Variants in SLC66A1 observed in about 807,000 individuals in gnomAD.
The protein encoded by SLC66A1 is solute carrier family 66 member 1.
SLC66A1 carries 23 observed loss-of-function variants against 33.0 expected under a neutral mutation model. That is an observed-to-expected ratio of 0.70 (90% confidence interval 0.50 to 0.99). SLC66A1 has a LOEUF of 0.99. Among genes scored for constraint, SLC66A1 ranks in the 50% least tolerant of loss-of-function variants. SLC66A1 has a pLI of 0.00. For synonymous variants in SLC66A1, 164 were observed against 175.5 expected (o/e 0.93, Z 0.52); for missense variants, 335 against 383.6 (o/e 0.87, Z 1.06).
chr1:19,321,099 T>C (rs968513974), intron 2 of SLC66A1, among the ~76,000 whole-genome samples: 3 of 149,680 alleles, frequency 2.0e-5, no homozygotes, highest in African/African-American at 7.7e-5. Context: ...CTTTTGTTTC[T>C]TGTGGTTTTG....
chr1:19,326,416 A>G (rs775748386), intron 5 of SLC66A1, 29 bp downstream of exon 5: 4 of 1,605,798 alleles, frequency 2.5e-6, no homozygotes, highest in Admixed American at 1.7e-5. Context: ...GGTCGAAGGG[A>G]TGGAGGCTGG....
At chr1:19,327,757 G>T (rs1272917768) in intron 7 of SLC66A1, 2 of 451,902 alleles carry the variant, frequency 4.4e-6, no homozygotes, top group Admixed American at 5.0e-5. Context: ...AGAGCGTCTA[G>T]CCAGGGACCG....
chr1:19,333,607 C>T (rs556171324), downstream of SLC66A1, among the ~76,000 whole-genome samples: 84 of 152,228 alleles, frequency 5.5e-4, no homozygotes, highest in South Asian at 0.015. The surrounding 1 kb of genome is among the most constrained non-coding windows in gnomAD (Gnocchi z 4.2). Flanking sequence ...CCAGAGGTGC[C>T]GGGTGACAGC....
In SLC66A1 at chr1:19,324,708, C is replaced by T. The variant is rs537651536; in HGVS notation, c.240C>T (p.Gly80=). The part of the protein sequence containing the change: ...LSLWFLLGWI[G]GDSCNLIGSF... Reference sequence around the variant, plus strand: ...TGTGGTTCCTCCTGGGCTGGATTGGCGGAGACTCCTGCAACCTCATCGGCT... The same window carrying T: ...TGTGGTTCCTCCTGGGCTGGATTGGTGGAGACTCCTGCAACCTCATCGGCT... The change falls in exon 3 of 8, where the codon GGC becomes GGT. Residue 80 remains glycine (G), a synonymous_variant. Transcript: ENST00000375153. The T allele has an allele frequency of 1.9e-5, 30 of 1,614,104 alleles. No homozygotes were observed. In the East Asian group the frequency reaches 2.9e-4, roughly 16 times the overall value.
rs750499483 is a variant in SLC66A1 at position 19,326,225 on chromosome 1, TC to T, written c.383-15del. 7 of 1,587,062 alleles carry T rather than the reference TC, an allele frequency of 4.4e-6. No individual in the cohort carries two copies. Among genetic ancestry groups the T allele is most frequent in the East Asian group, 4.5e-5 (2 of 44,544 alleles). On this transcript the variant is annotated intron_variant, in intron 4 of 7. Coordinates refer to ENST00000375153, the MANE Select transcript of SLC66A1 (RefSeq NM_001040125.2). ...GCCACTCAGCCATCTAACCTCAGCT[TC>T]CCCCTGCCTTGTGTGCAGTGTCTGC...
intron 2 of SLC66A1, among the ~76,000 whole-genome samples, chr1:19,319,050 C>T (rs1394491912): frequency 1.3e-5 from 2 of 152,214 alleles, no homozygotes; most frequent in Non-Finnish European, 2.9e-5. Flanking sequence ...GCGGCATGCT[C>T]TGCTCTTAAG....
In SLC66A1 at chr1:19,328,221, T is replaced by G. The variant is rs2093879807; in HGVS notation, c.805-351T>G. Reference sequence around the variant, plus strand: ...CCGGGCGCAGGGAGGGGTGAAAGTTTAGGCTCTTGTGCCCCAAAACGGCCC... The same window carrying G: ...CCGGGCGCAGGGAGGGGTGAAAGTTGAGGCTCTTGTGCCCCAAAACGGCCC... On this transcript the variant is annotated intron_variant, in intron 7 of 7. Transcript: ENST00000375153. This position sits in a 1 kb window ranked among gnomAD's most constrained non-coding sequence, Gnocchi z 4.7. 2.3e-6 allele frequency: 1 copy of G among 440,492 alleles called. No individual in the cohort carries two copies. The highest frequency in any genetic ancestry group is 4.2e-6 in the Non-Finnish European group (1 of 240,522). The allele number at this position is 440,492 out of a possible 1,614,324, so 27.3% of individuals were successfully genotyped here.
chr1:19,319,719 A>G (rs969429115), intron 2 of SLC66A1, among the ~76,000 whole-genome samples: 2 of 149,490 alleles, frequency 1.3e-5, no homozygotes, highest in African/African-American at 2.5e-5. Flanking sequence ...CCTGGCCAAC[A>G]TGGTGAAACT....
chr1:19,330,238 C>G (rs540733313), downstream of SLC66A1, among the ~76,000 whole-genome samples: 9 of 152,114 alleles, frequency 5.9e-5, 1 homozygote, highest in South Asian at 6.2e-4. Context: ...CCCCACACAC[C>G]CAACCCTAGC....
Position 19,328,297 on chromosome 1 carries a change from T to A in SLC66A1, c.805-275T>A, listed in dbSNP as rs2093880142. 6.6e-6 allele frequency among the ~76,000 whole-genome samples: 1 copy of A among 152,178 alleles called. No individual in the cohort carries two copies. The highest frequency in any genetic ancestry group is 2.1e-4 in the South Asian group (1 of 4,830). ...CACAGCTGAGAGCAAGCGAAGATCCTGGGCCAGGGTCAAGGGAGGCTGCCC... is the reference window on the plus strand; with the variant it reads ...CACAGCTGAGAGCAAGCGAAGATCCAGGGCCAGGGTCAAGGGAGGCTGCCC... On this transcript the variant is annotated intron_variant, in intron 7 of 7. Coordinates refer to ENST00000375153, the MANE Select transcript of SLC66A1 (RefSeq NM_001040125.2). This position sits in a 1 kb window ranked among gnomAD's most constrained non-coding sequence, Gnocchi z 4.7.
Position 19,325,528 on chromosome 1 carries a change from C to A in SLC66A1, c.328C>A (p.Leu110Met). ...YTAVYYVLAD[L>M]VMLTLYFYYK... ...GGCTGTGTATTATGTCTTGGCAGAC[C>A]TGGTGATGCTGACGCTGTACTTTTA... Residue 110 changes from leucine (L) to methionine (M), a missense_variant, in exon 4 of 8, where the codon CTG (leucine) becomes ATG (methionine). Leu to Met is a conservative substitution (Grantham distance 15, BLOSUM62 2). Transcript: ENST00000375153. The A allele has an allele frequency of 1.2e-6, 2 of 1,607,950 alleles. No homozygotes were observed. Among genetic ancestry groups the A allele is most frequent in the African/African-American group, 2.7e-5 (2 of 74,894 alleles).
rs1312797952 is a variant in SLC66A1 at position 19,327,517 on chromosome 1, GTCCA to G, written c.804+117_804+120del. Reference sequence around the variant, plus strand: ...CGTCTCTTCCTCCCTTCATCCATCCGTCCATCCATCCATCCCTCCCTCCCTCCCT... The same window carrying G: ...CGTCTCTTCCTCCCTTCATCCATCCGTCCATCCATCCCTCCCTCCCTCCCT... On this transcript the variant is annotated intron_variant, in intron 7 of 7. Coordinates refer to ENST00000375153, the MANE Select transcript of SLC66A1 (RefSeq NM_001040125.2). 1.5e-3 allele frequency: 1,260 copies of G among 845,152 alleles called. 3 individuals are homozygous for G. The highest frequency in any genetic ancestry group is 1.8e-3 in the Non-Finnish European group (1,029 of 575,648). The allele number at this position is 845,152 out of a possible 1,614,324, so 52.4% of individuals were successfully genotyped here.
intron 7 of SLC66A1, chr1:19,327,999 G>T (rs762709409): frequency 7.9e-6 from 2 of 253,108 alleles, no homozygotes; most frequent in African/African-American, 4.5e-5. Context: ...CTGTGCTGCC[G>T]TGTCTTCACC....
intron 2 of SLC66A1, among the ~76,000 whole-genome samples, chr1:19,320,816 G>C (rs1054140636): frequency 6.8e-6 from 1 of 147,032 alleles, no homozygotes; most frequent in African/African-American, 2.6e-5. Flanking sequence ...GGGTTCAAGC[G>C]ATTCTCCTGC....
intron 1 of SLC66A1, among the ~76,000 whole-genome samples, chr1:19,314,326 C>T (rs963418357): frequency 3.9e-5 from 6 of 152,162 alleles, no homozygotes; most frequent in African/African-American, 1.2e-4. Context: ...CCAACACGCA[C>T]GCATACTGGG....
rs2093880626 is a variant in SLC66A1, at chr1:19,328,369, G to T, written c.805-203G>T. Among the ~76,000 whole-genome samples the T allele has an allele frequency of 6.6e-6, 1 of 152,172 alleles. No individual in the cohort carries two copies. Among genetic ancestry groups the T allele is most frequent in the African/African-American group, 2.4e-5 (1 of 41,434 alleles). ...TAGGCTTGGAGACAGATGGAGCTTG[G>T]CTAGGGCTTGAGGAGCCGGGCAGAA... On this transcript the variant is annotated intron_variant, in intron 7 of 7. Transcript: ENST00000375153. The surrounding 1 kb of genome is among the most constrained non-coding windows in gnomAD (Gnocchi z 4.7).
intron 2 of SLC66A1, among the ~76,000 whole-genome samples, chr1:19,319,184 T>C (rs1339724993): frequency 6.6e-6 from 1 of 152,246 alleles, no homozygotes; most frequent in African/African-American, 2.4e-5. Context: ...GTACAGTCAT[T>C]GGTTTTAGTA....
downstream of SLC66A1, among the ~76,000 whole-genome samples, chr1:19,330,472 C>T (rs2093889358): frequency 6.6e-6 from 1 of 152,142 alleles, no homozygotes; most frequent in South Asian, 2.1e-4. Context: ...GCTCCAAGGC[C>T]CTGCCTTCCA....
downstream of SLC66A1, among the ~76,000 whole-genome samples, chr1:19,330,672 G>A (rs1200191119): frequency 2.6e-5 from 4 of 152,190 alleles, no homozygotes; most frequent in Admixed American, 2.0e-4. Context: ...TGGGTGTCTC[G>A]GGTGCTTCCA....
Sources: gnomAD v4.1 joint callset for allele counts (sites outside exome capture counted in the v4.1 genomes callset) on GRCh38, gnomAD v4.1.1 for gene constraint, Gnocchi (gnomAD v3.1) non-coding constraint, MANE v1.5 for transcripts, NCBI Gene and HGNC (gene_info 2026-07-23, HGNC 2026-07-21) for gene names.